The following AMZ1 variants were observed in gnomAD, a reference collection of about 807,000 sequenced individuals.
The protein encoded by AMZ1 is archaemetzincin-1.
AMZ1 carries 39 observed loss-of-function variants against 29.9 expected under a neutral mutation model. That is an observed-to-expected ratio of 1.30 (90% CI 1.01 to 1.70). AMZ1 has a LOEUF of 1.70. Among genes scored for constraint, AMZ1 ranks in the 40% most tolerant of loss-of-function variants. AMZ1 has a pLI of 0.00. For missense variants in AMZ1, 1,041 were observed against 680.6 expected, an observed-to-expected ratio of 1.53 and a Z score of -5.89; for synonymous variants, 458 against 304.0, an observed-to-expected ratio of 1.51 and a Z score of -5.27.
intron 1 of AMZ1, among the ~76,000 whole-genome samples, chr7:2,692,765 G>A (rs1191039496): frequency 2.0e-5 from 3 of 152,082 alleles, no homozygotes; most frequent in Admixed American, 1.3e-4. Context: ...GCCCAGCAGC[G>A]GTTCCCCACC....
Position 2,700,635 on chromosome 7 carries a change from A to C in AMZ1, c.184A>C (p.Thr62Pro). 6.2e-7 allele frequency: 1 copy of C among 1,611,626 alleles called. No homozygotes were observed. The highest frequency in any genetic ancestry group is 8.5e-7 in the Non-Finnish European group (1 of 1,179,990). Residue 62 changes from threonine to proline, a missense_variant, in exon 2 of 7, where the codon ACG becomes CCG. By Grantham distance (38) the Thr-to-Pro change is conservative (BLOSUM62 -1). Coordinates refer to ENST00000683327, the MANE Select transcript of AMZ1 (RefSeq NM_001384743.1). ...RTLFCTLLIRTGFDWLLSRPE... is the reference protein window; with the variant it reads ...RTLFCTLLIRPGFDWLLSRPE... The stretch of plus-strand genomic sequence containing the variant: ...GCTCTTCTGCACCCTGCTCATCCGC[A>C]CGGGCTTCGACTGGCTCCTGAGCCG...
chr7:2,709,746 T>G lies in AMZ1; in HGVS notation c.878T>G (p.Leu293Arg), dbSNP rs1788639622. Residue 293 changes from leucine (L) to arginine (R), a missense_variant, in exon 6 of 7, where the codon CTG (leucine) becomes CGG (arginine). Coordinates refer to ENST00000683327, the MANE Select transcript of AMZ1 (RefSeq NM_001384743.1). ...LSLDEALRRP[L>R]DLCPICLRKL... ...CTGGACGAGGCCCTGCGGCGGCCCC[T>G]GGACCTCTGTCCCATCTGCCTGAGG... The G allele has an allele frequency of 4.3e-6, 7 of 1,611,586 alleles. No homozygotes were observed. Among genetic ancestry groups the G allele is most frequent in the Non-Finnish European group, 5.1e-6 (6 of 1,179,858 alleles).
rs577201845 is a variant in AMZ1, at chr7:2,692,419, T to G, written c.-219+4123T>G. ...TAGCCGGGTGTGGTGGCGGGCGCCT[T>G]TAGTCCCAGCTATTCGGGAGGCTGA... On this transcript the variant is annotated intron_variant, in intron 1 of 6. Coordinates refer to ENST00000683327, the MANE Select transcript of AMZ1 (RefSeq NM_001384743.1). Among the ~76,000 whole-genome samples, 199 of 152,120 alleles carry G rather than the reference T, an allele frequency of 1.3e-3. 1 individual carries two copies. Among genetic ancestry groups the G allele is most frequent in the African/African-American group, 4.0e-3 (166 of 41,514 alleles).
chr7:2,694,205 C>A (rs10265871), intron 1 of AMZ1, among the ~76,000 whole-genome samples: 17,409 of 152,260 alleles, frequency 0.11, 1,270 homozygotes, highest in East Asian at 0.4. Flanking sequence ...CCAATCCCTC[C>A]AGACCCTGAA....
chr7:2,757,318 T>C (rs1053426212), intron 4 of AMZ1, among the ~76,000 whole-genome samples: 1 of 151,660 alleles, frequency 6.6e-6, no homozygotes, highest in Non-Finnish European at 1.5e-5. Flanking sequence ...GTAGTTTTAG[T>C]AGAGACAGGG....
rs938408320 is a variant in AMZ1, at chr7:2,702,990, C to T, written c.472+101C>T. ...AGGAGAGGAAGGGAACCTTTTCTTCCTTTTTGCTGGGAAACATCCATTTCC... is the reference window on the plus strand; with the variant it reads ...AGGAGAGGAAGGGAACCTTTTCTTCTTTTTTGCTGGGAAACATCCATTTCC... On this transcript the variant is annotated intron_variant, in intron 3 of 6. Coordinates refer to ENST00000683327, the MANE Select transcript of AMZ1 (RefSeq NM_001384743.1). 3.5e-6 allele frequency: 5 copies of T among 1,413,078 alleles called. No homozygotes were observed. In the South Asian group the frequency reaches 6.8e-5, roughly 19 times the overall value. 87.5% of individuals were successfully genotyped at this position (1,413,078 alleles called of 1,614,324 possible).
chr7:2,706,406 G>A (rs542987949), intron 3 of AMZ1, among the ~76,000 whole-genome samples: 6 of 152,340 alleles, frequency 3.9e-5, no homozygotes, highest in Middle Eastern at 3.4e-3. Flanking sequence ...TCACTGTACT[G>A]GTTTCCTGGG....
At chr7:2,747,861 C>A (rs1242837361) in intron 4 of AMZ1, among the ~76,000 whole-genome samples, 2 of 152,158 alleles carry the variant, frequency 1.3e-5, no homozygotes, top group Admixed American at 6.6e-5. Context: ...CATTCTTATA[C>A]ACCAATAACA....
At chr7:2,694,301 C>T (rs143383086) in intron 1 of AMZ1, among the ~76,000 whole-genome samples, 10 of 152,288 alleles carry the variant, frequency 6.6e-5, no homozygotes, top group East Asian at 3.9e-4. Flanking sequence ...TCTCTTGCCC[C>T]GGGACTGGAT....
At chr7:2,762,948 C>T, upstream of AMZ1, 1 of 1,375,686 alleles carries the variant, frequency 7.3e-7, no homozygotes, top group Non-Finnish European at 9.4e-7. Context: ...TCCCGTGGGG[C>T]CCGTGCCAGG....
intron 4 of AMZ1, among the ~76,000 whole-genome samples, chr7:2,739,620 A>G (rs1391057087): frequency 2.0e-5 from 3 of 152,098 alleles, no homozygotes; most frequent in Non-Finnish European, 4.4e-5. Flanking sequence ...TTGCTTGAAT[A>G]TCTGTTTTCA....
chr7:2,748,368 T>C (rs1410624023), intron 4 of AMZ1, among the ~76,000 whole-genome samples: 2 of 152,150 alleles, frequency 1.3e-5, no homozygotes, highest in Admixed American at 6.5e-5. Flanking sequence ...TATCTACAAC[T>C]ATCTGATCTT....
chr7:2,748,863 C>A (rs1466011477), intron 4 of AMZ1, among the ~76,000 whole-genome samples: 1 of 152,156 alleles, frequency 6.6e-6, no homozygotes, highest in African/African-American at 2.4e-5. Context: ...CATGAACAGA[C>A]ACTTCTCAAA....
At chr7:2,752,932 A>G (rs555074938) in intron 4 of AMZ1, among the ~76,000 whole-genome samples, 1 of 152,142 alleles carries the variant, frequency 6.6e-6, no homozygotes, top group African/African-American at 2.4e-5. Context: ...AGATTTGTGT[A>G]ACCACCACTG....
intron 6 of AMZ1, among the ~76,000 whole-genome samples, chr7:2,711,459 G>T (rs1788772153): frequency 6.6e-6 from 1 of 152,264 alleles, no homozygotes; most frequent in Non-Finnish European, 1.5e-5. Flanking sequence ...GTTGGGAACA[G>T]ATGTGCAGTG....
At chr7:2,690,746 C>A (rs935009115) in intron 1 of AMZ1, among the ~76,000 whole-genome samples, 4 of 152,130 alleles carry the variant, frequency 2.6e-5, no homozygotes, top group Non-Finnish European at 5.9e-5. Context: ...TGCTCCCATT[C>A]GGTCCTCCCT....
At chr7:2,689,550 C>A (rs561086533) in intron 1 of AMZ1, among the ~76,000 whole-genome samples, 2 of 152,326 alleles carry the variant, frequency 1.3e-5, no homozygotes, top group African/African-American at 4.8e-5. Context: ...GCTCCAGGAG[C>A]AGCTGGGGTT....
chr7:2,747,025 C>T (rs1197951669), intron 4 of AMZ1, among the ~76,000 whole-genome samples: 1 of 152,120 alleles, frequency 6.6e-6, no homozygotes, highest in Non-Finnish European at 1.5e-5. Context: ...AGGCAATAAT[C>T]AATAGCTTAC....
At chr7:2,741,681 C>A (rs541197466) in intron 4 of AMZ1, among the ~76,000 whole-genome samples, 63 of 152,130 alleles carry the variant, frequency 4.1e-4, no homozygotes, top group Non-Finnish European at 2.9e-4. Flanking sequence ...ATCCTTCGCT[C>A]GCTCTCTTTC....
Sources: gnomAD v4.1 joint callset for allele counts (sites outside exome capture counted in the v4.1 genomes callset) on GRCh38, gnomAD v4.1.1 for gene constraint, MANE v1.5 for transcripts, NCBI Gene and HGNC (gene_info 2026-07-23, HGNC 2026-07-21) for gene names.